UNC13C: variants seen among roughly 807,000 people sequenced by gnomAD.
UNC13C encodes the protein protein unc-13 homolog C.
Under a neutral mutation model 245.4 loss-of-function variants are expected in UNC13C, and 174 were observed. That is an observed-to-expected ratio of 0.71 (90% CI 0.63 to 0.80). The LOEUF (loss-of-function observed/expected upper bound fraction) is 0.80. Ranked by LOEUF, UNC13C falls within the 30% of genes least tolerant of loss-of-function variation. The pLI, the probability that UNC13C is intolerant of heterozygous loss-of-function variation, is 0.00. For missense variants in UNC13C, 2,829 were observed against 2,602.9 expected (o/e 1.09, Z -1.89); for synonymous variants, 992 against 895.1 (o/e 1.11, Z -1.93).
chr15:54,589,043 C>A (rs944112822), intron 30 of UNC13C, among the ~76,000 whole-genome samples: 1 of 152,034 alleles, frequency 6.6e-6, no homozygotes, highest in African/African-American at 2.4e-5. Flanking sequence ...ACTTTTAGTT[C>A]TTTCAGGAAT....
chr15:53,959,453 C>A, the UNC13C span, among the ~76,000 whole-genome samples: 12 of 152,048 alleles, frequency 7.9e-5, no homozygotes, highest in Non-Finnish European at 1.8e-4. Flanking sequence ...ACCAGCATTT[C>A]TTATGGTTTC....
At chr15:54,047,618 TG>T (rs1455203484) in intron 2 of UNC13C, among the ~76,000 whole-genome samples, 2 of 152,166 alleles carry the variant, frequency 1.3e-5, no homozygotes, top group African/African-American at 4.8e-5. Flanking sequence ...TTCCATTGTA[TG>T]TATTGTACCA....
At position 54,331,237 on chromosome 15, in the gene UNC13C, A is replaced by G. The variant is rs191066973; in HGVS notation, c.4426-806A>G. On this transcript the variant is annotated intron_variant, in intron 14 of 32. Transcript: ENST00000260323. ...CTCTCCCATTTTATTTTTTGATGAG[A>G]AAACTGGAATTCAGAATAGTGGAGT... is the stretch of plus-strand genomic sequence containing the variant. 6.5e-3 allele frequency among the ~76,000 whole-genome samples: 995 copies of G among 152,226 alleles called. 6 individuals carry two copies. Among genetic ancestry groups the G allele is most frequent in the Middle Eastern group, 0.01 (3 of 294 alleles).
chr15:54,335,134 C>T (rs1596240636), intron 16 of UNC13C, among the ~76,000 whole-genome samples: 1 of 152,184 alleles, frequency 6.6e-6, no homozygotes, highest in African/African-American at 2.4e-5. Context: ...AATGTGGTCT[C>T]TTCTACTGGT....
At chr15:54,164,277 A>T (rs757141588) in intron 4 of UNC13C, among the ~76,000 whole-genome samples, 1 of 152,218 alleles carries the variant, frequency 6.6e-6, no homozygotes, top group Non-Finnish European at 1.5e-5. Flanking sequence ...ACTTGAATAC[A>T]CTTTAAAATA....
intron 2 of UNC13C, among the ~76,000 whole-genome samples, chr15:54,089,660 CTTTTT>C (rs59965194): frequency 7.1e-6 from 1 of 140,452 alleles, no homozygotes; most frequent in African/African-American, 2.6e-5. Flanking sequence ...CTTCCAATAT[CTTTTT>C]TTTTTTTTTT....
chr15:54,040,024 G>A (rs780356804), intron 2 of UNC13C, among the ~76,000 whole-genome samples: 4 of 151,326 alleles, frequency 2.6e-5, no homozygotes, highest in Non-Finnish European at 5.9e-5. Context: ...CAGAGAACAA[G>A]CCAAACCCCT....
At chr15:54,242,026 A>C (rs749844462) in intron 7 of UNC13C, among the ~76,000 whole-genome samples, 15 of 152,190 alleles carry the variant, frequency 9.9e-5, no homozygotes, top group Non-Finnish European at 1.6e-4. Flanking sequence ...AAGTTATGGA[A>C]ACTTTCATGT....
rs1269303631 is a variant in UNC13C at position 54,185,651 on chromosome 15, C to A, written c.3071+41967C>A. 2.5e-4 allele frequency among the ~76,000 whole-genome samples: 36 copies of A among 146,638 alleles called. 3 individuals carry two copies. The South Asian group carries it at 7.6e-3, about 31-fold the overall frequency. On this transcript the variant is annotated intron_variant, in intron 4 of 32. Transcript: ENST00000260323. ...CTATATCTCTGTTTTTGTACCAGTA[C>A]CATGCTGTTTTGGTTACTGTAGCCT...
intron 17 of UNC13C, among the ~76,000 whole-genome samples, chr15:54,383,560 C>T (rs2039773052): frequency 6.6e-6 from 1 of 152,046 alleles, no homozygotes; most frequent in Non-Finnish European, 1.5e-5. Flanking sequence ...ACGCTAACAT[C>T]ATACTGAAGG....
At chr15:54,221,773 C>T (rs2140785060) in intron 4 of UNC13C, among the ~76,000 whole-genome samples, 1 of 152,112 alleles carries the variant, frequency 6.6e-6, no homozygotes, top group African/African-American at 2.4e-5. Context: ...AATTCAAGAA[C>T]TCCTTCAGAT....
rs543451537 is a variant in UNC13C, at chr15:54,609,817, A to G, written c.6107-12510A>G. On this transcript the variant is annotated intron_variant, in intron 30 of 32. Transcript: ENST00000260323. ...AGGTTTAATTGACTTACAGTTCAGC[A>G]TGGCTGGGGAGGCCTCAGGAAACTT... 8.6e-4 allele frequency among the ~76,000 whole-genome samples: 131 copies of G among 152,338 alleles called. 2 individuals carry two copies. The highest frequency in any genetic ancestry group is 6.2e-3 in the South Asian group (30 of 4,832).
intron 4 of UNC13C, among the ~76,000 whole-genome samples, chr15:54,192,241 T>C (rs555109417): frequency 4.6e-5 from 7 of 152,302 alleles, no homozygotes; most frequent in African/African-American, 1.7e-4. Context: ...TTAGGGAATA[T>C]TCTTTCTTGT....
chr15:53,895,410 GA>G, the UNC13C span, among the ~76,000 whole-genome samples: 1 of 150,752 alleles, frequency 6.6e-6, no homozygotes, highest in Admixed American at 6.6e-5. Flanking sequence ...TTGTCTTTTG[GA>G]AAACAGGTTG....
intron 18 of UNC13C, among the ~76,000 whole-genome samples, chr15:54,405,555 A>T (rs772682047): frequency 1.3e-5 from 2 of 152,152 alleles, no homozygotes; most frequent in Non-Finnish European, 2.9e-5. Flanking sequence ...TCAAAGTGAG[A>T]TTACATATTT....
At chr15:54,228,788 C>G (rs1162963081) in intron 4 of UNC13C, among the ~76,000 whole-genome samples, 1 of 152,154 alleles carries the variant, frequency 6.6e-6, no homozygotes, top group Non-Finnish European at 1.5e-5. Context: ...GGGAAAGTGT[C>G]TATCCCAGAC....
chr15:54,570,211 C>T (rs1897693571), intron 30 of UNC13C, among the ~76,000 whole-genome samples: 1 of 152,144 alleles, frequency 6.6e-6, no homozygotes. Context: ...GTCAGTGTCT[C>T]CTGTGACTGC....
the UNC13C span, among the ~76,000 whole-genome samples, chr15:53,916,838 C>T: frequency 6.6e-6 from 1 of 152,300 alleles, no homozygotes; most frequent in East Asian, 1.9e-4. Flanking sequence ...GATCGGATCC[C>T]ACCACTACAG....
intron 2 of UNC13C, among the ~76,000 whole-genome samples, chr15:54,084,415 A>G (rs541260895): frequency 6.6e-6 from 1 of 152,282 alleles, no homozygotes; most frequent in South Asian, 2.1e-4. Flanking sequence ...AGACATATCT[A>G]CCTTGTTTCC....
Sources: gnomAD v4.1 joint callset for allele counts (sites outside exome capture counted in the v4.1 genomes callset) on GRCh38, gnomAD v4.1.1 for gene constraint, MANE v1.5 for transcripts, NCBI Gene and HGNC (gene_info 2026-07-23, HGNC 2026-07-21) for gene names.